GALNTL6: variants seen among roughly 807,000 people sequenced by gnomAD.
GALNTL6 encodes the protein polypeptide N-acetylgalactosaminyltransferase-like 6.
In GALNTL6, 46 loss-of-function variants were observed where a neutral mutation model predicts 73.7. That is an observed-to-expected ratio of 0.62 (90% CI 0.49 to 0.80). GALNTL6 has a LOEUF of 0.80. Ranked by LOEUF, GALNTL6 falls within the 30% of genes least tolerant of loss-of-function variation. The pLI is 0.00. For missense variants in GALNTL6, 604 were observed against 755.0 expected, an observed-to-expected ratio of 0.80 and a Z score of 2.34; for synonymous variants, 259 against 263.7, an observed-to-expected ratio of 0.98 and a Z score of 0.17.
chr4:171,904,885 A>C (rs1050332209), intron 2 of GALNTL6, among the ~76,000 whole-genome samples: 1 of 152,176 alleles, frequency 6.6e-6, no homozygotes, highest in Non-Finnish European at 1.5e-5. Context: ...TTTCATATCC[A>C]GCCAAACTAA....
chr4:172,672,028 A>T (rs11945702), intron 5 of GALNTL6, among the ~76,000 whole-genome samples: 149,761 of 152,242 alleles, frequency 0.98, 73,710 homozygotes, highest in East Asian at 1. Flanking sequence ...GTAGCTAGGA[A>T]TAAAGACATG....
intron 5 of GALNTL6, among the ~76,000 whole-genome samples, chr4:172,407,019 G>C (rs1744263536): frequency 6.6e-6 from 1 of 151,492 alleles, no homozygotes; most frequent in South Asian, 2.1e-4. Context: ...ATTTTAAATG[G>C]GTCAATTTTA....
chr4:172,073,108 A>C (rs778224142), intron 2 of GALNTL6, among the ~76,000 whole-genome samples: 3 of 152,130 alleles, frequency 2.0e-5, no homozygotes, highest in South Asian at 4.1e-4. Context: ...GCTTGAAGTC[A>C]TCTTTTTCCA....
At chr4:171,831,859 G>T (rs1249412653) in intron 2 of GALNTL6, among the ~76,000 whole-genome samples, 1 of 151,498 alleles carries the variant, frequency 6.6e-6, no homozygotes, top group Non-Finnish European at 1.5e-5. Flanking sequence ...ATGTCCTTGG[G>T]TATCATTTTA....
intron 4 of GALNTL6, among the ~76,000 whole-genome samples, chr4:172,338,194 A>G (rs1489187201): frequency 1.3e-5 from 2 of 151,808 alleles, no homozygotes; most frequent in African/African-American, 4.8e-5. Context: ...ATTTGTGTTG[A>G]TTTTCAACCT....
chr4:172,857,099 G>A (rs751235841), intron 7 of GALNTL6, among the ~76,000 whole-genome samples: 12 of 152,168 alleles, frequency 7.9e-5, no homozygotes, highest in South Asian at 2.1e-4. Flanking sequence ...TTATGTGGCC[G>A]AGACAGGCAG....
Position 172,536,388 on chromosome 4 carries a change from T to C in GALNTL6, c.553+187699T>C, listed in dbSNP as rs184764720. Among the ~76,000 whole-genome samples the C allele has an allele frequency of 5.3e-5, 8 of 152,296 alleles. No homozygotes were observed. In the East Asian group the frequency reaches 1.5e-3, roughly 29 times the overall value. ...AGAAGACAGAAAGATGTGGGAAAGT[T>C]TGGAACTTCCTAGAGACTTGTTTAA... On this transcript the variant is annotated intron_variant, in intron 5 of 12. Transcript: ENST00000506823.
intron 5 of GALNTL6, among the ~76,000 whole-genome samples, chr4:172,392,303 A>C (rs1011083904): frequency 6.6e-6 from 1 of 152,234 alleles, no homozygotes; most frequent in African/African-American, 2.4e-5. Context: ...TAGTTATTTT[A>C]ATTAAAAATT....
At chr4:172,880,519 T>C (rs1485515849) in intron 7 of GALNTL6, among the ~76,000 whole-genome samples, 4 of 152,012 alleles carry the variant, frequency 2.6e-5, no homozygotes, top group Non-Finnish European at 5.9e-5. Flanking sequence ...TGAGAAGAGA[T>C]TACAAAGAGA....
intron 10 of GALNTL6, among the ~76,000 whole-genome samples, chr4:172,960,537 G>A (rs1376226718): frequency 6.6e-6 from 1 of 152,156 alleles, no homozygotes; most frequent in Non-Finnish European, 1.5e-5. Context: ...AGCGACGCTT[G>A]GGGTTGGGAT....
intron 2 of GALNTL6, among the ~76,000 whole-genome samples, chr4:172,110,968 A>T (rs896329308): frequency 3.9e-5 from 6 of 151,976 alleles, no homozygotes; most frequent in African/African-American, 1.4e-4. Flanking sequence ...TTAAAAAAAA[A>T]TTTTAGGAGT....
chr4:172,719,170 C>T (rs1421066397), intron 5 of GALNTL6, among the ~76,000 whole-genome samples: 27 of 152,136 alleles, frequency 1.8e-4, no homozygotes, highest in Admixed American at 1.8e-3. Flanking sequence ...GCCAAATTAG[C>T]CCTTTCTACT....
intron 5 of GALNTL6, among the ~76,000 whole-genome samples, chr4:172,765,879 A>G (rs1738377147): frequency 6.6e-6 from 1 of 152,144 alleles, no homozygotes; most frequent in African/African-American, 2.4e-5. Flanking sequence ...AAGAAAAAAA[A>G]AAGCATATAA....
At chr4:172,719,077 CT>C (rs987297757) in intron 5 of GALNTL6, among the ~76,000 whole-genome samples, 7 of 152,112 alleles carry the variant, frequency 4.6e-5, no homozygotes, top group African/African-American at 1.7e-4. Flanking sequence ...ACGAGTTACC[CT>C]TGTAGGTTAA....
chr4:173,010,768 TA>T (rs1426980126), intron 11 of GALNTL6, among the ~76,000 whole-genome samples: 1 of 135,626 alleles, frequency 7.4e-6, no homozygotes, highest in East Asian at 2.0e-4. Context: ...CTAATTTTTG[TA>T]TTTTTTTTTT....
At chr4:172,076,308 C>T in intron 2 of GALNTL6, among the ~76,000 whole-genome samples, 1 of 152,172 alleles carries the variant, frequency 6.6e-6, no homozygotes, top group African/African-American at 2.4e-5. Flanking sequence ...TAGAAAATAG[C>T]ATGACTTCTG....
chr4:172,663,473 C>T (rs1055831126), intron 5 of GALNTL6, among the ~76,000 whole-genome samples: 6 of 152,184 alleles, frequency 3.9e-5, no homozygotes, highest in Admixed American at 2.6e-4. Flanking sequence ...ATATTCAACC[C>T]CTCCCTAAGC....
chr4:172,177,329 A>G (rs1330364684), intron 2 of GALNTL6, among the ~76,000 whole-genome samples: 1 of 152,184 alleles, frequency 6.6e-6, no homozygotes, highest in Non-Finnish European at 1.5e-5. Flanking sequence ...TAATGATAAA[A>G]GAAAGAAAAT....
At chr4:172,877,875 T>C (rs934870889) in intron 7 of GALNTL6, among the ~76,000 whole-genome samples, 2 of 151,994 alleles carry the variant, frequency 1.3e-5, no homozygotes, top group Non-Finnish European at 1.5e-5. Flanking sequence ...TACATTAATA[T>C]GTTAAAAGTT....
Sources: gnomAD v4.1 joint callset for allele counts (sites outside exome capture counted in the v4.1 genomes callset) on GRCh38, gnomAD v4.1.1 for gene constraint, MANE v1.5 for transcripts, NCBI Gene and HGNC (gene_info 2026-07-23, HGNC 2026-07-21) for gene names.